TSPAN13: variants seen among roughly 807,000 people sequenced by gnomAD.
TSPAN13 encodes the protein tetraspanin-13.
Under a neutral mutation model 26.9 loss-of-function variants are expected in TSPAN13, and 18 were observed. That is an observed-to-expected ratio of 0.67 (90% CI 0.46 to 0.99). The LOEUF (loss-of-function observed/expected upper bound fraction) is 0.99. Among genes scored for constraint, TSPAN13 ranks in the 50% least tolerant of loss-of-function variants. TSPAN13 has a pLI of 0.00. For missense variants in TSPAN13, 201 were observed against 249.6 expected (o/e 0.81, Z 1.31); for synonymous variants, 116 against 98.4 (o/e 1.18, Z -1.06).
At chr7:16,757,672 T>G (rs1451591818) in intron 1 of TSPAN13, among the ~76,000 whole-genome samples, 3 of 152,210 alleles carry the variant, frequency 2.0e-5, no homozygotes, top group Non-Finnish European at 4.4e-5. Flanking sequence ...TCTTATAACA[T>G]CTTTCCATGT....
chr7:16,764,634 A>G (rs1279970603), intron 1 of TSPAN13, among the ~76,000 whole-genome samples: 1 of 152,156 alleles, frequency 6.6e-6, no homozygotes, highest in Admixed American at 6.5e-5. Context: ...TTATTAACAC[A>G]TCACTGTGTG....
chr7:16,779,987 G>A (rs553449503), intron 5 of TSPAN13, among the ~76,000 whole-genome samples: 5 of 152,130 alleles, frequency 3.3e-5, no homozygotes, highest in East Asian at 3.9e-4. Context: ...TAGCCAGGAC[G>A]GTCTGGATCT....
Position 16,783,684 on chromosome 7 carries a change from A to T in TSPAN13, c.*193A>T. ...TTTCCGTTGCTGAAAAATATTTGAA[A>T]CTTGTGGTCTCTGAAGCTCGGTGGC... is the stretch of plus-strand genomic sequence containing the variant. On this transcript the variant is annotated 3_prime_UTR_variant, in exon 6 of 6. Transcript: ENST00000262067. 6.8e-6 allele frequency: 4 copies of T among 590,360 alleles called. No individual in the cohort carries two copies. Among genetic ancestry groups the T allele is most frequent in the South Asian group, 2.5e-5 (1 of 40,476 alleles). 36.6% of individuals were successfully genotyped at this position (590,360 alleles called of 1,614,324 possible). A position where few individuals can be genotyped will look rare whatever the true frequency, so the allele number is the denominator to read the frequency against.
intron 1 of TSPAN13, among the ~76,000 whole-genome samples, chr7:16,771,934 G>T (rs574523115): frequency 1.3e-5 from 2 of 152,144 alleles, no homozygotes; most frequent in South Asian, 4.2e-4. Context: ...GCCTCTATCT[G>T]CAGGAAAAGA....
Position 16,784,531 on chromosome 7 carries a change from G to A in TSPAN13, c.*1040G>A, listed in dbSNP as rs989885761. 2 of 152,102 alleles carry A rather than the reference G, an allele frequency of 1.3e-5. No homozygotes were observed. The highest frequency in any genetic ancestry group is 4.8e-5 in the African/African-American group (2 of 41,424). The allele number at this position is 152,102 out of a possible 1,614,324, so 9.4% of individuals were successfully genotyped here. ...AAAGAAAGTAATGGAAGAATTGATC[G>A]ATGAATTAAGTGAGGTGGAATTCTT... On this transcript the variant is annotated 3_prime_UTR_variant, in exon 6 of 6. Transcript: ENST00000262067.
chr7:16,777,257 CTT>C, intron 3 of TSPAN13, 135 bp downstream of exon 3: 1 of 632,896 alleles, frequency 1.6e-6, no homozygotes, highest in Non-Finnish European at 2.7e-6. Flanking sequence ...GCAAAACTCT[CTT>C]GTTCCCTTTG....
intron 1 of TSPAN13, among the ~76,000 whole-genome samples, chr7:16,769,005 T>C (rs990577538): frequency 1.3e-5 from 2 of 152,138 alleles, no homozygotes; most frequent in African/African-American, 4.8e-5. Context: ...TTTGTATTTC[T>C]AGTAGAGACA....
At chr7:16,761,489 T>A (rs1784540319) in intron 1 of TSPAN13, among the ~76,000 whole-genome samples, 1 of 152,152 alleles carries the variant, frequency 6.6e-6, no homozygotes, top group Non-Finnish European at 1.5e-5. Flanking sequence ...TTATGAATGT[T>A]GAGGCATATT....
intron 1 of TSPAN13, among the ~76,000 whole-genome samples, chr7:16,764,014 G>C (rs1562517574): frequency 6.6e-6 from 1 of 152,014 alleles, no homozygotes. Context: ...ATCTTTCTTT[G>C]TTCTTTATTT....
chr7:16,767,973 C>T (rs1027465840), intron 1 of TSPAN13, among the ~76,000 whole-genome samples: 1 of 152,168 alleles, frequency 6.6e-6, no homozygotes, highest in African/African-American at 2.4e-5. Flanking sequence ...AGTGCAGTGG[C>T]ACCATCTCGG....
intron 3 of TSPAN13, 128 bp downstream of exon 3, chr7:16,777,250 A>G: frequency 6.1e-6 from 4 of 656,752 alleles, no homozygotes; most frequent in Non-Finnish European, 7.8e-6. Flanking sequence ...CTGGATAGCA[A>G]AACTCTCTTG....
At chr7:16,763,759 C>G (rs756485616) in intron 1 of TSPAN13, among the ~76,000 whole-genome samples, 2 of 152,174 alleles carry the variant, frequency 1.3e-5, no homozygotes, top group Non-Finnish European at 2.9e-5. Flanking sequence ...TTTTGTGTGT[C>G]TGCTGCTGCT....
rs778660384 is a variant in TSPAN13, at chr7:16,776,250, A to C, written c.103A>C (p.Ile35Leu). ...LLLIGIAAWG[I>L]GFGLISSLRV... ...GCTAATTGGAATTGCTGCGTGGGGC[A>C]TTGGCTTCGGGCTGATTTCCAGTCT... Residue 35 changes from isoleucine to leucine, a missense_variant, in exon 2 of 6, where the codon ATT becomes CTT. Transcript: ENST00000262067. The C allele has an allele frequency of 7.4e-6, 12 of 1,613,474 alleles. No individual in the cohort carries two copies. The highest frequency in any genetic ancestry group is 9.3e-6 in the Non-Finnish European group (11 of 1,179,838).
chr7:16,761,349 AG>A (rs1784538916), intron 1 of TSPAN13, among the ~76,000 whole-genome samples: 1 of 152,196 alleles, frequency 6.6e-6, no homozygotes, highest in Non-Finnish European at 1.5e-5. Context: ...TTATTTATAG[AG>A]TTTTCATATT....
In TSPAN13 at chr7:16,753,786, A is replaced by G; in HGVS notation, c.-182A>G. 2 of 491,978 alleles carry G rather than the reference A, an allele frequency of 4.1e-6. No homozygotes were observed. Among genetic ancestry groups the G allele is most frequent in the Admixed American group, 4.7e-5 (1 of 21,264 alleles). The allele number at this position is 491,978 out of a possible 1,614,324, so 30.5% of individuals were successfully genotyped here. A position where few individuals can be genotyped will look rare whatever the true frequency, so the allele number is the denominator to read the frequency against. On this transcript the variant is annotated 5_prime_UTR_variant, in exon 1 of 6. Transcript: ENST00000262067. ...CAGCTGCGGCGGCCGCAGGTTCCAA[A>G]GCGGGTCCGAGCCGCCGCCGCGCGC...
chr7:16,766,134 A>G (rs551936867), intron 1 of TSPAN13, among the ~76,000 whole-genome samples: 2 of 152,344 alleles, frequency 1.3e-5, no homozygotes, highest in South Asian at 4.1e-4. Context: ...TAATTTTAAA[A>G]GTTAACTTGG....
chr7:16,755,491 T>G (rs1192705999), intron 1 of TSPAN13, among the ~76,000 whole-genome samples: 1 of 151,930 alleles, frequency 6.6e-6, no homozygotes, highest in Non-Finnish European at 1.5e-5. Context: ...CCCTGAGGTA[T>G]GCTTATCACC....
chr7:16,781,036 A>G (rs769016031), intron 5 of TSPAN13, among the ~76,000 whole-genome samples: 8 of 152,186 alleles, frequency 5.3e-5, no homozygotes, highest in Non-Finnish European at 8.8e-5. Flanking sequence ...TTAGCTGACA[A>G]CTTCTTCTCA....
chr7:16,778,877 A>T, intron 4 of TSPAN13, 126 bp from the exon 5 acceptor site: 1 of 641,686 alleles, frequency 1.6e-6, no homozygotes, highest in East Asian at 2.9e-5. Flanking sequence ...AGATTTGCAC[A>T]CTAAAAAACC....
Sources: allele counts gnomAD v4.1 joint callset (sites outside exome capture counted in the v4.1 genomes callset), GRCh38; gene constraint gnomAD v4.1.1; transcripts MANE v1.5; gene names NCBI Gene and HGNC (gene_info 2026-07-23, HGNC 2026-07-21).